Variants in DOCK3 observed in about 807,000 individuals in gnomAD.
DOCK3 encodes the protein dedicator of cytokinesis protein 3.
DOCK3 carries 60 observed loss-of-function variants against 265.6 expected under a neutral mutation model. That is an observed-to-expected ratio of 0.23 (90% CI 0.18 to 0.28). The LOEUF (loss-of-function observed/expected upper bound fraction) is 0.28. DOCK3 is among the 10% of genes least tolerant of loss of function. The pLI, the probability that DOCK3 is intolerant of heterozygous loss-of-function variation, is 1.00. For missense variants in DOCK3, 1,981 were observed against 2,594.3 expected (o/e 0.76, Z 5.14); for synonymous variants, 881 against 938.0 (o/e 0.94, Z 1.11).
intron 9 of DOCK3, among the ~76,000 whole-genome samples, chr3:51,106,722 C>A (rs181725217): frequency 6.6e-6 from 1 of 152,346 alleles, no homozygotes; most frequent in Admixed American, 6.5e-5. Flanking sequence ...CCACCAGTAC[C>A]CTGCCCCCGT....
At chr3:51,336,394 T>C (rs970352957) in intron 35 of DOCK3, among the ~76,000 whole-genome samples, 1 of 151,860 alleles carries the variant, frequency 6.6e-6, no homozygotes, top group African/African-American at 2.4e-5. Flanking sequence ...TGCCAAGCCC[T>C]TGTGGCTCAG....
intron 1 of DOCK3, among the ~76,000 whole-genome samples, chr3:50,758,756 C>A (rs189595290): frequency 6.6e-6 from 1 of 152,264 alleles, no homozygotes; most frequent in African/African-American, 2.4e-5. Flanking sequence ...CAATGTATTA[C>A]AGATACTCCT....
At position 51,226,794 on chromosome 3, in the gene DOCK3, G is replaced by A. The variant is rs544655856; in HGVS notation, c.1378-489G>A. Among the ~76,000 whole-genome samples the A allele has an allele frequency of 6.0e-4, 91 of 152,262 alleles. 1 individual carries two copies. The highest frequency in any genetic ancestry group is 1.8e-3 in the Admixed American group (28 of 15,288). ...TGGGAGATGGGTTAAGTTAAATCTGGACTAACTTGTTTATATCTAAAGAAA... is the reference window on the plus strand; with the variant it reads ...TGGGAGATGGGTTAAGTTAAATCTGAACTAACTTGTTTATATCTAAAGAAA... On this transcript the variant is annotated intron_variant, in intron 15 of 52. Transcript: ENST00000266037.
intron 5 of DOCK3, among the ~76,000 whole-genome samples, chr3:51,026,864 T>A (rs1382609906): frequency 6.6e-6 from 1 of 152,216 alleles, no homozygotes; most frequent in East Asian, 1.9e-4. Context: ...TTCTCTTTTT[T>A]CTTTGTTAAT....
intron 9 of DOCK3, 62 bp from the exon 10 acceptor site, chr3:51,146,486 CT>C (rs1156321530): frequency 2.0e-6 from 3 of 1,512,354 alleles, no homozygotes; most frequent in Non-Finnish European, 1.8e-6. Flanking sequence ...CGTATCTGCC[CT>C]TTTTCTTTGT....
chr3:51,171,579 T>A (rs991703196), intron 12 of DOCK3, among the ~76,000 whole-genome samples: 9 of 151,844 alleles, frequency 5.9e-5, no homozygotes, highest in Non-Finnish European at 1.2e-4. Flanking sequence ...TAGCGGAGTG[T>A]GGTGGTGGGC....
intron 4 of DOCK3, among the ~76,000 whole-genome samples, chr3:50,921,681 G>T (rs545153448): frequency 6.6e-6 from 1 of 152,196 alleles, no homozygotes; most frequent in South Asian, 2.1e-4. Flanking sequence ...TTCCCATCTT[G>T]GTGGTTTTAT....
At position 51,016,537 on chromosome 3, in the gene DOCK3, A is replaced by T. The variant is rs1176549092; in HGVS notation, c.316-47911A>T. On this transcript the variant is annotated intron_variant, in intron 5 of 52. Transcript: ENST00000266037. ...ATCATATATTTCTATATAATATATG[A>T]TATATATATTTATATATATCATATA... Among the ~76,000 whole-genome samples the T allele has an allele frequency of 2.9e-4, 11 of 37,988 alleles. 1 individual carries two copies. In the South Asian group the frequency reaches 0.014, roughly 48 times the overall value. The allele number at this position is 37,988 out of a possible 152,430, so 24.9% of individuals were successfully genotyped here. A position where few individuals can be genotyped will look rare whatever the true frequency, so the allele number is the denominator to read the frequency against.
At chr3:51,200,675 G>A (rs544370447) in intron 12 of DOCK3, among the ~76,000 whole-genome samples, 6 of 151,738 alleles carry the variant, frequency 4.0e-5, no homozygotes, top group East Asian at 1.9e-4. Flanking sequence ...GACAGAGAAC[G>A]CCACAAAGAT....
intron 7 of DOCK3, among the ~76,000 whole-genome samples, chr3:51,085,086 C>T (rs2082373066): frequency 6.6e-6 from 1 of 152,066 alleles, no homozygotes. Context: ...TAGATAAGGT[C>T]ATTATGTAAT....
At chr3:51,327,401 T>C (rs911849770) in intron 32 of DOCK3, among the ~76,000 whole-genome samples, 5 of 152,222 alleles carry the variant, frequency 3.3e-5, no homozygotes, top group African/African-American at 1.2e-4. Flanking sequence ...CAGCTCATTA[T>C]ATCACAGGAC....
chr3:51,137,147 A>G (rs1014726304), intron 9 of DOCK3, among the ~76,000 whole-genome samples: 5 of 152,260 alleles, frequency 3.3e-5, no homozygotes, highest in African/African-American at 1.2e-4. Context: ...TCTGTGCTTT[A>G]AAATAAAGTG....
chr3:51,191,914 A>G (rs2087971338), intron 12 of DOCK3, among the ~76,000 whole-genome samples: 7 of 151,326 alleles, frequency 4.6e-5, no homozygotes. Context: ...TAGTTTGGAA[A>G]TATTAGTCCC....
chr3:51,173,636 A>G (rs1205277356), intron 12 of DOCK3, among the ~76,000 whole-genome samples: 1 of 152,204 alleles, frequency 6.6e-6, no homozygotes, highest in Non-Finnish European at 1.5e-5. Flanking sequence ...CACTGAATAT[A>G]TCATACCACT....
At chr3:50,968,161 T>G (rs1427682777) in intron 5 of DOCK3, among the ~76,000 whole-genome samples, 2 of 152,192 alleles carry the variant, frequency 1.3e-5, no homozygotes, top group African/African-American at 4.8e-5. Flanking sequence ...CATTTGTATG[T>G]CTTCCTTTTT....
chr3:50,768,915 T>C (rs1161877575), intron 1 of DOCK3, among the ~76,000 whole-genome samples: 1 of 151,970 alleles, frequency 6.6e-6, no homozygotes, highest in Non-Finnish European at 1.5e-5. Context: ...CTCAGGAACT[T>C]TTTTTTTGTC....
At chr3:50,894,691 TTG>T (rs2048811872) in intron 4 of DOCK3, among the ~76,000 whole-genome samples, 1 of 152,094 alleles carries the variant, frequency 6.6e-6, no homozygotes, top group African/African-American at 2.4e-5. Context: ...AATATGTAAA[TTG>T]TGTCATCAAC....
In DOCK3 at chr3:51,268,817, TAAGA is replaced by T. The variant is rs1204192764; in HGVS notation, c.2356-1993_2356-1990del. Among the ~76,000 whole-genome samples the T allele has an allele frequency of 5.9e-5, 9 of 152,254 alleles. No individual in the cohort carries two copies. In the East Asian group the frequency reaches 1.5e-3, roughly 26 times the overall value. On this transcript the variant is annotated intron_variant, in intron 23 of 52. Coordinates refer to ENST00000266037, the MANE Select transcript of DOCK3 (RefSeq NM_004947.5). ...ACCTGAAGGCTTCCAGGTGCTTCTG[TAAGA>T]AAGACACCTGTGATCTCCCCTTCTA...
At chr3:50,717,014 G>A (rs2037160495) in intron 1 of DOCK3, among the ~76,000 whole-genome samples, 1 of 152,102 alleles carries the variant, frequency 6.6e-6, no homozygotes, top group Non-Finnish European at 1.5e-5. Flanking sequence ...TATATTCACT[G>A]TTCAGCGAAT....
Sources: gnomAD v4.1 joint callset for allele counts (sites outside exome capture counted in the v4.1 genomes callset) on GRCh38, gnomAD v4.1.1 for gene constraint, MANE v1.5 for transcripts, NCBI Gene and HGNC (gene_info 2026-07-23, HGNC 2026-07-21) for gene names.